ADGRF1: variants seen among roughly 807,000 people sequenced by gnomAD.
The protein encoded by ADGRF1 is adhesion G protein-coupled receptor F1, also known as G protein-coupled receptor 110.
Under a neutral mutation model 87.2 loss-of-function variants are expected in ADGRF1, and 85 were observed. The observed-to-expected ratio is 0.97, with a 90% CI of 0.82 to 1.17. ADGRF1 has a LOEUF of 1.17. Among genes scored for constraint, ADGRF1 ranks in the 50% most tolerant of loss-of-function variants. The pLI is 0.00. For missense variants in ADGRF1, 1,169 were observed against 1,077.2 expected (o/e 1.09, Z -1.19); for synonymous variants, 430 against 408.8 (o/e 1.05, Z -0.63).
At chr6:47,002,351 A>G (rs1044473959) in intron 13 of ADGRF1, among the ~76,000 whole-genome samples, 3 of 152,058 alleles carry the variant, frequency 2.0e-5, no homozygotes, top group Admixed American at 2.0e-4. Context: ...TAGTTTTTCA[A>G]TTTTCACTGG....
At chr6:47,031,359 CT>C (rs1780425022) in intron 1 of ADGRF1, among the ~76,000 whole-genome samples, 5 of 143,362 alleles carry the variant, frequency 3.5e-5, no homozygotes, top group African/African-American at 1.1e-4. Flanking sequence ...CTGTCTCTCT[CT>C]CTCTCTCTCT....
At chr6:47,005,987 C>T (rs566485798) in intron 12 of ADGRF1, 111 bp from the exon 13 acceptor site, 1 of 613,978 alleles carries the variant, frequency 1.6e-6, no homozygotes. Flanking sequence ...TTCCTAGAAG[C>T]AGTTAGTAGA....
intron 9 of ADGRF1, chr6:47,013,162 C>T (rs994003587): frequency 1.0e-6 from 1 of 985,454 alleles, no homozygotes; most frequent in Non-Finnish European, 1.2e-6. Context: ...AGGCAGTCCC[C>T]TTCCACTCAA....
chr6:47,035,757 C>T (rs553355103), intron 1 of ADGRF1, among the ~76,000 whole-genome samples: 33 of 152,262 alleles, frequency 2.2e-4, no homozygotes, highest in African/African-American at 7.7e-4. Flanking sequence ...ACAAACAATT[C>T]TTTTCTCAGA....
At chr6:47,027,837 G>T in intron 2 of ADGRF1, 76 bp from the exon 3 acceptor site, 1 of 899,746 alleles carries the variant, frequency 1.1e-6, no homozygotes, top group Non-Finnish European at 1.8e-6. Flanking sequence ...GAGTTTCCCA[G>T]ATGAATTAAA....
At chr6:47,036,555 G>A (rs1356451789) in intron 1 of ADGRF1, among the ~76,000 whole-genome samples, 1 of 152,068 alleles carries the variant, frequency 6.6e-6, no homozygotes, top group Non-Finnish European at 1.5e-5. Context: ...ATACATAAAT[G>A]GTCAGATTAA....
At chr6:47,026,078 A>G in intron 3 of ADGRF1, 75 bp from the exon 4 acceptor site, 3 of 1,328,224 alleles carry the variant, frequency 2.3e-6, no homozygotes, top group East Asian at 4.7e-5. Flanking sequence ...TGACTGAGAA[A>G]CAATCATCAA....
At chr6:47,007,220 C>T (rs762077414) in intron 12 of ADGRF1, 33 bp downstream of exon 12, 1 of 1,441,074 alleles carries the variant, frequency 6.9e-7, no homozygotes, top group East Asian at 2.3e-5. Flanking sequence ...GATGTCTAGG[C>T]TAGGGGTTAA....
chr6:46,998,728 G>A lies in ADGRF1; in HGVS notation c.*1494C>T, dbSNP rs908255925. The A allele has an allele frequency of 1.3e-5, 2 of 152,230 alleles. No individual in the cohort carries two copies. Among genetic ancestry groups the A allele is most frequent in the African/African-American group, 4.8e-5 (2 of 41,458 alleles). The allele number at this position is 152,230 out of a possible 1,614,324, so 9.4% of individuals were successfully genotyped here. A position where few individuals can be genotyped will look rare whatever the true frequency, so the allele number is the denominator to read the frequency against. On this transcript the variant is annotated 3_prime_UTR_variant, in exon 15 of 15. Coordinates refer to ENST00000371253, the MANE Select transcript of ADGRF1 (RefSeq NM_153840.4). ...CTCCTTCTCTCACTTTTGTGGGTAG[G>A]TAGAGTGAGAAGGCTCATAGAGCAG...
At chr6:47,011,870 G>A in intron 10 of ADGRF1, 137 bp downstream of exon 10, 2 of 728,454 alleles carry the variant, frequency 2.7e-6, no homozygotes, top group Non-Finnish European at 4.4e-6. Context: ...ATACCTCAGA[G>A]GAAGCAGTAA....
chr6:47,028,914 A>G, intron 2 of ADGRF1, 79 bp downstream of exon 2: 1 of 1,076,580 alleles, frequency 9.3e-7, no homozygotes, highest in Admixed American at 1.7e-5. Context: ...AGTCCCCTAG[A>G]GAGTGAGGGG....
chr6:47,021,676 TA>T (rs1158328587), intron 6 of ADGRF1, among the ~76,000 whole-genome samples: 1 of 152,008 alleles, frequency 6.6e-6, no homozygotes, highest in Non-Finnish European at 1.5e-5. Context: ...AAATTTTTTA[TA>T]AAAAAATTAA....
chr6:47,039,738 G>C (rs2113914665), intron 1 of ADGRF1, among the ~76,000 whole-genome samples: 1 of 152,292 alleles, frequency 6.6e-6, no homozygotes, highest in Admixed American at 6.5e-5. Context: ...AAGGCCGGTG[G>C]ATTACTTGAG....
rs1270828836 is a variant in ADGRF1, at chr6:47,016,684, C to T, written c.696G>A (p.Glu232=). The T allele has an allele frequency of 6.2e-7, 1 of 1,612,390 alleles. No individual in the cohort carries two copies. The highest frequency in any genetic ancestry group is 1.1e-5 in the South Asian group (1 of 90,900). The change falls in exon 8 of 15, where the codon GAG becomes GAA. Residue 232 remains glutamate, a synonymous_variant. Transcript: ENST00000371253. ...GCTTGTGAAGGGCTGTCTTAGCCTT[C>T]TCGGCAACATGTTCAATGGCTGACA... ...ELLSAIEHVA[E]KAKTALHKLF... is the part of the protein sequence containing the mutation.
Position 47,009,326 on chromosome 6 carries a change from A to G in ADGRF1, c.2109T>C (p.Phe703=), listed in dbSNP as rs201852515. 2 of 1,614,206 alleles carry G rather than the reference A, an allele frequency of 1.2e-6. No individual in the cohort carries two copies. The highest frequency in any genetic ancestry group is 2.2e-5 in the East Asian group (1 of 44,886). ...MAQHLMMAVG[F]CLGYGCPLII... ...TGAGAGGGCACCCATAACCCAGGCAAAATCCAACAGCCATCATCAAATGCT... is the reference window on the plus strand; with the variant it reads ...TGAGAGGGCACCCATAACCCAGGCAGAATCCAACAGCCATCATCAAATGCT... Residue 703 remains phenylalanine, a synonymous_variant, in exon 11 of 15, where the codon TTT becomes TTC. Coordinates refer to ENST00000371253, the MANE Select transcript of ADGRF1 (RefSeq NM_153840.4).
intron 4 of ADGRF1, among the ~76,000 whole-genome samples, 194 bp downstream of exon 4, chr6:47,025,660 T>G (rs1780206991): frequency 6.6e-6 from 1 of 152,224 alleles, no homozygotes; most frequent in Non-Finnish European, 1.5e-5. Context: ...GATACATCAC[T>G]GGGTACTGGT....
At chr6:47,032,063 G>A (rs1367609431) in intron 1 of ADGRF1, among the ~76,000 whole-genome samples, 3 of 152,114 alleles carry the variant, frequency 2.0e-5, no homozygotes, top group Non-Finnish European at 4.4e-5. Context: ...GCAGGTTTGA[G>A]AGCTGTTATT....
intron 12 of ADGRF1, among the ~76,000 whole-genome samples, chr6:47,006,780 T>C (rs1779545323): frequency 6.6e-6 from 1 of 152,230 alleles, no homozygotes; most frequent in African/African-American, 2.4e-5. Context: ...ATACAATGCT[T>C]GGTTTTCCAT....
intron 1 of ADGRF1, among the ~76,000 whole-genome samples, chr6:47,030,474 C>G (rs930223603): frequency 6.6e-6 from 1 of 152,152 alleles, no homozygotes; most frequent in East Asian, 1.9e-4. Context: ...CCCGCCTGCG[C>G]TTTCTGCTTT....
Sources: allele counts gnomAD v4.1 joint callset (sites outside exome capture counted in the v4.1 genomes callset), GRCh38; gene constraint gnomAD v4.1.1; transcripts MANE v1.5; gene names NCBI Gene and HGNC (gene_info 2026-07-23, HGNC 2026-07-21).